Variants in CFAP74 observed in about 807,000 individuals in gnomAD.
The protein encoded by CFAP74 is cilia and flagella associated protein 74, also known as cilia- and flagella-associated protein 74.
A neutral mutation model predicts 188.9 loss-of-function variants in CFAP74; 124 were observed. The ratio of observed to expected loss-of-function variants is 0.66; its 90% CI spans 0.57 to 0.76. CFAP74 has a LOEUF of 0.76. Ranked by LOEUF, CFAP74 falls within the 30% of genes least tolerant of loss-of-function variation. The pLI, the probability that CFAP74 is intolerant of heterozygous loss-of-function variation, is 0.00. For missense variants in CFAP74, 2,198 were observed against 2,165.2 expected, an observed-to-expected ratio of 1.02 and a Z score of -0.30; for synonymous variants, 956 against 916.7, an observed-to-expected ratio of 1.04 and a Z score of -0.77.
At chr1:1,955,510 C>G in intron 18 of CFAP74, 181 bp downstream of exon 18, 1 of 1,607,528 alleles carries the variant, frequency 6.2e-7, no homozygotes, top group Non-Finnish European at 8.5e-7. Flanking sequence ...TTTTCGTCCA[C>G]TCCAAAAACA....
chr1:1,998,277 C>CA (rs1282561626), intron 1 of CFAP74, among the ~76,000 whole-genome samples: 1 of 151,422 alleles, frequency 6.6e-6, no homozygotes, highest in Non-Finnish European at 1.5e-5. Flanking sequence ...GACTTCATCT[C>CA]AAAAAAAACA....
At chr1:1,963,632 G>A (rs1448030849) in intron 14 of CFAP74, 117 bp downstream of exon 14, 10 of 633,110 alleles carry the variant, frequency 1.6e-5, no homozygotes, top group African/African-American at 5.6e-5. Flanking sequence ...CGTGAAAATC[G>A]GACCTGAGGG....
At chr1:1,971,265 A>G (rs962803090) in intron 9 of CFAP74, among the ~76,000 whole-genome samples, 1 of 147,802 alleles carries the variant, frequency 6.8e-6, no homozygotes, top group Non-Finnish European at 1.5e-5. Context: ...GCATGCACAC[A>G]CATGCAAACC....
intron 6 of CFAP74, among the ~76,000 whole-genome samples, chr1:1,981,331 G>A (rs1000003267): frequency 6.6e-5 from 10 of 152,178 alleles, no homozygotes; most frequent in Non-Finnish European, 1.2e-4. Flanking sequence ...GGGAGGGGGC[G>A]CTGCCTCCAA....
At chr1:1,974,303 C>T (rs905806579) in intron 6 of CFAP74, 105 bp from the exon 7 acceptor site, 4 of 1,174,696 alleles carry the variant, frequency 3.4e-6, no homozygotes, top group Non-Finnish European at 4.8e-6. Flanking sequence ...TGTTGAACAC[C>T]CCAGATGGGT....
At position 1,966,289 on chromosome 1, in the gene CFAP74, C is replaced by T. The variant is rs1279519975; in HGVS notation, c.1401+82G>A. On this transcript the variant is annotated intron_variant, in intron 12 of 38. Transcript: ENST00000682832. ...GAAGCCTCAGAGCAGCTGGTGTGGC[C>T]GGGGCAGGCGTGGGAGGTGGCGAGC... is the stretch of plus-strand genomic sequence containing the variant. The T allele has an allele frequency of 3.1e-5, 40 of 1,304,912 alleles. 1 individual carries two copies. In the South Asian group the frequency reaches 4.5e-4, roughly 15 times the overall value. The allele number at this position is 1,304,912 out of a possible 1,614,324, so 80.8% of individuals were successfully genotyped here.
intron 10 of CFAP74, 101 bp downstream of exon 10, chr1:1,970,558 G>A (rs1171254094): frequency 2.3e-6 from 3 of 1,327,050 alleles, no homozygotes; most frequent in Non-Finnish European, 3.1e-6. Flanking sequence ...CCCTGGGAGA[G>A]AGAGCAGCTT....
At chr1:1,954,784 A>G in intron 18 of CFAP74, 6 of 1,103,894 alleles carry the variant, frequency 5.4e-6, no homozygotes, top group Non-Finnish European at 6.7e-6. Context: ...GTCTCAACAT[A>G]AAAAGAACTC....
intron 6 of CFAP74, 46 bp downstream of exon 6, chr1:1,985,340 G>T (rs546556947): frequency 6.5e-7 from 1 of 1,539,116 alleles, no homozygotes; most frequent in Non-Finnish European, 9.0e-7. Flanking sequence ...GACTCGCACC[G>T]TTCTGGGGCC....
intron 10 of CFAP74, among the ~76,000 whole-genome samples, 185 bp from the exon 11 acceptor site, chr1:1,969,018 C>T (rs1655691482): frequency 1.3e-5 from 2 of 152,030 alleles, no homozygotes; most frequent in African/African-American, 2.4e-5. Context: ...CCATCCTACC[C>T]AGCAGGGCTC....
chr1:1,966,882 G>C (rs1655511893), intron 11 of CFAP74, among the ~76,000 whole-genome samples: 1 of 150,610 alleles, frequency 6.6e-6, no homozygotes, highest in Non-Finnish European at 1.5e-5. Flanking sequence ...TGTCACCTGG[G>C]CTAGAGTGTA....
chr1:1,974,249 G>T (rs1656291242), intron 6 of CFAP74, 51 bp from the exon 7 acceptor site: 1 of 1,522,900 alleles, frequency 6.6e-7, no homozygotes, highest in Non-Finnish European at 8.9e-7. Context: ...GTCATCCTGG[G>T]GTGGGGGTTT....
chr1:1,957,693 G>A (rs951606749), intron 16 of CFAP74, among the ~76,000 whole-genome samples: 6 of 152,172 alleles, frequency 3.9e-5, no homozygotes, highest in African/African-American at 9.7e-5. Flanking sequence ...CTGATCCGGA[G>A]TGGAGCAGGC....
In CFAP74 at chr1:1,944,403, G is replaced by A. The variant is rs1405923216; in HGVS notation, c.2414C>T (p.Pro805Leu). 5.9e-6 allele frequency: 9 copies of A among 1,536,014 alleles called. No individual in the cohort carries two copies. Among genetic ancestry groups the A allele is most frequent in the Admixed American group, 3.9e-5 (2 of 50,978 alleles). Reference sequence around the variant, plus strand: ...GATCTTCAGGTCCACGCTGGGCTTCGGCACCCAGACCGGCACATCGATGGC... The same window carrying A: ...GATCTTCAGGTCCACGCTGGGCTTCAGCACCCAGACCGGCACATCGATGGC... ...GVAIDVPVWVPKPSVDLKICM... is the reference protein window; with the variant it reads ...GVAIDVPVWVLKPSVDLKICM... Residue 805 changes from proline (P) to leucine (L), a missense_variant, in exon 21 of 39, where the codon CCG becomes CTG. Pro to Leu is a moderately conservative substitution (Grantham distance 98). Transcript: ENST00000682832.
Position 1,954,942 on chromosome 1 carries a change from A to C in CFAP74, c.2176+749T>G. On this transcript the variant is annotated intron_variant, in intron 18 of 38. Coordinates refer to ENST00000682832, the MANE Select transcript of CFAP74 (RefSeq NM_001304360.2). ...ACAGTGTGTACCACGAACGCTCCCA[A>C]GTGTGCACTGGCAGAAGGACGGATC... 2.5e-6 allele frequency: 3 copies of C among 1,197,640 alleles called. 1 individual carries two copies. The highest frequency in any genetic ancestry group is 3.2e-6 in the Non-Finnish European group (3 of 948,568). 74.2% of individuals were successfully genotyped at this position (1,197,640 alleles called of 1,614,324 possible).
intron 18 of CFAP74, chr1:1,954,917 A>G: frequency 8.4e-7 from 1 of 1,184,020 alleles, no homozygotes; most frequent in Non-Finnish European, 1.1e-6. Flanking sequence ...GGCCTTCGCA[A>G]CAGTGTGTAC....
chr1:1,990,284 G>A (rs527924801), intron 2 of CFAP74, among the ~76,000 whole-genome samples: 5 of 151,862 alleles, frequency 3.3e-5, no homozygotes, highest in South Asian at 2.1e-4. Context: ...GGCAAAACAC[G>A]GCAAAGGGAA....
At chr1:1,943,448 G>T (rs146717956) in intron 21 of CFAP74, among the ~76,000 whole-genome samples, 1 of 152,238 alleles carries the variant, frequency 6.6e-6, no homozygotes, top group African/African-American at 2.4e-5. Flanking sequence ...AGAGGTGGCT[G>T]TGCCTGGGGC....
chr1:1,985,378 C>G lies in CFAP74; in HGVS notation c.500+8G>C, dbSNP rs752448013. 3.1e-6 allele frequency: 5 copies of G among 1,611,822 alleles called. No individual in the cohort carries two copies. Among genetic ancestry groups the G allele is most frequent in the Non-Finnish European group, 4.2e-6 (5 of 1,178,158 alleles). ...CCTGCTGCCAGTCCCGGCTGCACAC[C>G]GACTCACTCGCTCTCCTTCAGCACG... On this transcript the variant is annotated splice_region_variant and intron_variant, in intron 6 of 38. Transcript: ENST00000682832.
Sources: gnomAD v4.1 joint callset for allele counts (sites outside exome capture counted in the v4.1 genomes callset) on GRCh38, gnomAD v4.1.1 for gene constraint, MANE v1.5 for transcripts, NCBI Gene and HGNC (gene_info 2026-07-23, HGNC 2026-07-21) for gene names.